The following SAMD8 variants were observed in gnomAD, a reference collection of about 807,000 sequenced individuals.
SAMD8 encodes the protein sphingomyelin synthase-related protein 1.
Under a neutral mutation model 42.0 loss-of-function variants are expected in SAMD8, and 20 were observed. That is an observed-to-expected ratio of 0.48 (90% CI 0.34 to 0.69). The LOEUF (loss-of-function observed/expected upper bound fraction) is 0.69, where lower values mean the gene tolerates loss of function less well. SAMD8 is among the 30% of genes least tolerant of loss of function. The pLI, the probability that SAMD8 is intolerant of heterozygous loss-of-function variation, is 0.01. For synonymous variants in SAMD8, 162 were observed against 173.0 expected (o/e 0.94, Z 0.50); for missense variants, 328 against 511.6 (o/e 0.64, Z 3.46).
intron 1 of SAMD8, among the ~76,000 whole-genome samples, chr10:75,124,865 G>T (rs1849093137): frequency 6.6e-6 from 1 of 150,420 alleles, no homozygotes; most frequent in Non-Finnish European, 1.5e-5. Context: ...GGAATGCAAT[G>T]GCACAGTCAT....
At chr10:75,145,294 TATC>T (rs1371050600) in intron 1 of SAMD8, among the ~76,000 whole-genome samples, 1 of 152,246 alleles carries the variant, frequency 6.6e-6, no homozygotes, top group Non-Finnish European at 1.5e-5. Context: ...AATACACAAT[TATC>T]ATAACTGAGT....
In SAMD8 at chr10:75,120,739, T is replaced by G. The variant is rs185945708; in HGVS notation, c.-16+9017T>G. 2.7e-3 allele frequency among the ~76,000 whole-genome samples: 405 copies of G among 151,768 alleles called. 12 individuals carry two copies. Among genetic ancestry groups the G allele is most frequent in the Admixed American group, 0.026 (398 of 15,124 alleles). ...ATTATTGTTTCTCAGTTTATGTAGC[T>G]TAATTACGTTGTTATGTTGAAAAGT... On this transcript the variant is annotated intron_variant, in intron 1 of 5. Transcript: ENST00000542569.
rs1055119115 is a variant in SAMD8, at chr10:75,180,188, A to G, written c.*3496A>G. ...AATTCTTTATGTGGCTATCCTCTCC[A>G]TAGTTTTCTGACCAGAATTGCAAGG... On this transcript the variant is annotated 3_prime_UTR_variant, in exon 6 of 6. Coordinates refer to ENST00000542569, the MANE Select transcript of SAMD8 (RefSeq NM_001174156.2). 5.9e-5 allele frequency: 9 copies of G among 152,318 alleles called. No individual in the cohort carries two copies. Among genetic ancestry groups the G allele is most frequent in the Non-Finnish European group, 1.0e-4 (7 of 68,024 alleles). The allele number at this position is 152,318 out of a possible 1,614,324, so 9.4% of individuals were successfully genotyped here. A position where few individuals can be genotyped will look rare whatever the true frequency, so the allele number is the denominator to read the frequency against.
chr10:75,160,258 G>A (rs1051974471), intron 2 of SAMD8, among the ~76,000 whole-genome samples: 3 of 151,862 alleles, frequency 2.0e-5, no homozygotes, highest in Admixed American at 6.6e-5. Context: ...GTGCAGTGGC[G>A]CGATCTCGGC....
intron 3 of SAMD8, among the ~76,000 whole-genome samples, chr10:75,165,753 A>G (rs1840660692): frequency 6.6e-6 from 1 of 151,742 alleles, no homozygotes; most frequent in Non-Finnish European, 1.5e-5. Flanking sequence ...AGGTGGGAGG[A>G]TTGCTTGAGC....
At position 75,178,451 on chromosome 10, in the gene SAMD8, C is replaced by T. The variant is rs117285586; in HGVS notation, c.*1759C>T. The T allele has an allele frequency of 2.0e-5, 3 of 152,314 alleles. No homozygotes were observed. Among genetic ancestry groups the T allele is most frequent in the Non-Finnish European group, 4.4e-5 (3 of 68,028 alleles). The allele number at this position is 152,314 out of a possible 1,614,324, so 9.4% of individuals were successfully genotyped here. ...TGCCAGTTAGAGTGGTTTGACCCTT[C>T]AGGTAAAAAGATATGTTACTGTTAT... On this transcript the variant is annotated 3_prime_UTR_variant, in exon 6 of 6. Transcript: ENST00000542569.
At chr10:75,122,776 CCT>C (rs1280620960) in intron 1 of SAMD8, among the ~76,000 whole-genome samples, 1 of 152,158 alleles carries the variant, frequency 6.6e-6, no homozygotes, top group African/African-American at 2.4e-5. Context: ...AAAAAATCCT[CCT>C]CTGTTAGCAG....
chr10:75,109,204 C>T, upstream of SAMD8: 1 of 1,492,846 alleles, frequency 6.7e-7, no homozygotes, highest in Non-Finnish European at 8.9e-7. Flanking sequence ...TCCTCTCTGC[C>T]TCTCCAGTGT....
chr10:75,151,411 TG>T (rs1840284463), intron 2 of SAMD8, among the ~76,000 whole-genome samples: 3 of 152,076 alleles, frequency 2.0e-5, no homozygotes, highest in Admixed American at 2.0e-4. Flanking sequence ...TGGAATGCAG[TG>T]GCATGACCAT....
chr10:75,136,563 T>G (rs1358334652), intron 1 of SAMD8, among the ~76,000 whole-genome samples: 1 of 152,138 alleles, frequency 6.6e-6, no homozygotes, highest in Non-Finnish European at 1.5e-5. Context: ...TGGTAATCAG[T>G]CAGGGTTCAC....
intron 2 of SAMD8, among the ~76,000 whole-genome samples, chr10:75,158,622 G>A (rs1205543073): frequency 6.6e-6 from 1 of 151,990 alleles, no homozygotes; most frequent in East Asian, 1.9e-4. Context: ...ATACAATTCA[G>A]TGGGTTTTAG....
At chr10:75,108,475 G>A (rs117096732), upstream of SAMD8, among the ~76,000 whole-genome samples, 263 of 152,298 alleles carry the variant, frequency 1.7e-3, 3 homozygotes, top group East Asian at 0.023. Context: ...GCCAGGACAG[G>A]AAGGAAGGGA....
chr10:75,176,557 A>T lies in SAMD8; in HGVS notation c.1113A>T (p.Ala371=). 1 of 1,550,650 alleles carries T rather than the reference A, an allele frequency of 6.4e-7. No homozygotes were observed. Among genetic ancestry groups the T allele is most frequent in the East Asian group, 2.4e-5 (1 of 40,924 alleles). ...ACCATACTCTGGCCAATACCAGAGC[A>T]TATCAGCAGAGTAGGAGAGCAAGGA... The part of the protein sequence containing the change: ...LYYHTLANTR[A]YQQSRRARIW... Residue 371 remains alanine (A), a synonymous_variant, in exon 6 of 6, where the codon GCA becomes GCT. Coordinates refer to ENST00000542569, the MANE Select transcript of SAMD8 (RefSeq NM_001174156.2). The surrounding 1 kb of genome is among the most constrained non-coding windows in gnomAD (Gnocchi z 4.3).
chr10:75,108,887 G>T, upstream of SAMD8: 1 of 1,322,438 alleles, frequency 7.6e-7, no homozygotes. Context: ...GAAGGTCCCT[G>T]GCCTGGGATG....
At chr10:75,155,331 A>G (rs1840385668) in intron 2 of SAMD8, among the ~76,000 whole-genome samples, 1 of 152,176 alleles carries the variant, frequency 6.6e-6, no homozygotes, top group Non-Finnish European at 1.5e-5. Context: ...TATGTTTTGT[A>G]GCAAATTCAG....
rs201939768 is a variant in SAMD8, at chr10:75,146,295, T to C, written c.-15-4219T>C. ...CACTTTTTTTTTTTTTTTTTTTTTT[T>C]TTTTTGGAGACAGAGTTTCGCTCTT... On this transcript the variant is annotated intron_variant, in intron 1 of 5. Transcript: ENST00000542569. Among the ~76,000 whole-genome samples the C allele has an allele frequency of 2.0e-3, 295 of 145,522 alleles. 3 individuals are homozygous for C. In the East Asian group the frequency reaches 0.029, roughly 14 times the overall value.
chr10:75,148,346 CTTTTTTTTTT>C lies in SAMD8; in HGVS notation c.-15-2152_-15-2143del, dbSNP rs60024591. Reference sequence around the variant, plus strand: ...GGGAAAGAATGCAGAGCAATACCAGCTTTTTTTTTTTTTTTTTTTTTTTTTGAGACAGAGT... The same window carrying C: ...GGGAAAGAATGCAGAGCAATACCAGCTTTTTTTTTTTTTTTGAGACAGAGT... On this transcript the variant is annotated intron_variant, in intron 1 of 5. Transcript: ENST00000542569. Among the ~76,000 whole-genome samples the C allele has an allele frequency of 1.0e-3, 83 of 82,560 alleles. 1 individual carries two copies. The highest frequency in any genetic ancestry group is 5.0e-3 in the African/African-American group (76 of 15,316). The allele number at this position is 82,560 out of a possible 152,430, so 54.2% of individuals were successfully genotyped here.
upstream of SAMD8, chr10:75,111,555 G>T: frequency 8.0e-7 from 1 of 1,246,468 alleles, no homozygotes; most frequent in Non-Finnish European, 1.0e-6. Flanking sequence ...GACGATGCCT[G>T]CGCGCAGTCG....
intron 2 of SAMD8, among the ~76,000 whole-genome samples, chr10:75,157,109 T>G (rs1840428880): frequency 6.6e-6 from 1 of 152,006 alleles, no homozygotes; most frequent in African/African-American, 2.4e-5. Flanking sequence ...AGCAAGCAAA[T>G]GTGGCAAAAT....
Sources: gnomAD v4.1 joint callset for allele counts (sites outside exome capture counted in the v4.1 genomes callset) on GRCh38, gnomAD v4.1.1 for gene constraint, Gnocchi (gnomAD v3.1) non-coding constraint, MANE v1.5 for transcripts, NCBI Gene and HGNC (gene_info 2026-07-23, HGNC 2026-07-21) for gene names.